Variants in FARS2 observed in about 807,000 individuals in gnomAD.
FARS2 encodes phenylalanyl-tRNA synthetase 2, mitochondrial.
In FARS2, 40 loss-of-function variants were observed where a neutral mutation model predicts 46.4. That is an observed-to-expected ratio of 0.86 (90% CI 0.67 to 1.12). FARS2 has a LOEUF of 1.12. FARS2 is among the 50% of genes most tolerant of loss of function. The pLI is 0.00. For synonymous variants in FARS2, 234 were observed against 214.9 expected (o/e 1.09, Z -0.78); for missense variants, 513 against 567.9 (o/e 0.90, Z 0.98).
chr6:5,386,278 G>A (rs543297694), intron 2 of FARS2, among the ~76,000 whole-genome samples: 256 of 152,312 alleles, frequency 1.7e-3, no homozygotes, highest in Non-Finnish European at 2.8e-3. Context: ...CGAGTCCCCG[G>A]AATGTGTAGT....
At chr6:5,757,038 A>G (rs1015847176) in intron 6 of FARS2, among the ~76,000 whole-genome samples, 3 of 152,160 alleles carry the variant, frequency 2.0e-5, no homozygotes, top group African/African-American at 7.2e-5. Flanking sequence ...GCCTCTTGAC[A>G]TTTTGCCTTT....
chr6:5,475,634 T>C (rs1238697025), intron 4 of FARS2, among the ~76,000 whole-genome samples: 1 of 152,194 alleles, frequency 6.6e-6, no homozygotes, highest in Non-Finnish European at 1.5e-5. Context: ...TTGGACATCA[T>C]AGACCCCTCT....
chr6:5,363,525 C>T (rs895928995), intron 1 of FARS2, among the ~76,000 whole-genome samples: 5 of 151,584 alleles, frequency 3.3e-5, no homozygotes, highest in Non-Finnish European at 5.9e-5. Context: ...TATGGGCATA[C>T]GATGATAAAT....
chr6:5,540,214 C>T (rs996460280), intron 4 of FARS2, among the ~76,000 whole-genome samples: 2 of 152,114 alleles, frequency 1.3e-5, no homozygotes, highest in African/African-American at 2.4e-5. Context: ...TATGATAATT[C>T]GATTTTGGAC....
intron 5 of FARS2, among the ~76,000 whole-genome samples, chr6:5,610,945 C>T (rs993251095): frequency 6.6e-6 from 1 of 152,238 alleles, no homozygotes; most frequent in African/African-American, 2.4e-5. Flanking sequence ...AGAGAAAACA[C>T]AGCTGAATGC....
intron 4 of FARS2, among the ~76,000 whole-genome samples, chr6:5,516,062 C>T (rs1475250771): frequency 2.6e-5 from 4 of 152,104 alleles, no homozygotes; most frequent in South Asian, 2.1e-4. Context: ...GCAAATGCTC[C>T]GAGTCTGCAG....
At chr6:5,678,336 A>T (rs1186593402) in intron 6 of FARS2, among the ~76,000 whole-genome samples, 7 of 152,150 alleles carry the variant, frequency 4.6e-5, no homozygotes, top group Admixed American at 6.6e-5. Flanking sequence ...GAAGGTTGCC[A>T]TCCTTTGTAG....
rs190294707 is a variant in FARS2 at position 5,311,124 on chromosome 6, G to C, written c.-22+49464G>C. 9.2e-5 allele frequency among the ~76,000 whole-genome samples: 14 copies of C among 152,324 alleles called. No homozygotes were observed. Among genetic ancestry groups the C allele is most frequent in the Non-Finnish European group, 1.5e-5 (1 of 68,024 alleles). On this transcript the variant is annotated intron_variant, in intron 1 of 6. Transcript: ENST00000274680. The surrounding 1 kb of genome is among the most constrained non-coding windows in gnomAD (Gnocchi z 4.1). ...ATGAGGCACTGGTTAAATAAATCATGGTGCATCCAGGTGATGATATGGTTT... is the reference window on the plus strand; with the variant it reads ...ATGAGGCACTGGTTAAATAAATCATCGTGCATCCAGGTGATGATATGGTTT...
At chr6:5,609,970 T>C (rs376511737) in intron 5 of FARS2, 3 of 1,271,096 alleles carry the variant, frequency 2.4e-6, no homozygotes, top group East Asian at 2.3e-5. Context: ...ATCCACCTTG[T>C]GTGGCCTTGC....
At chr6:5,321,212 A>T (rs1304832680) in intron 1 of FARS2, among the ~76,000 whole-genome samples, 1 of 152,208 alleles carries the variant, frequency 6.6e-6, no homozygotes, top group African/African-American at 2.4e-5. Flanking sequence ...GTCACTATGT[A>T]CCTTCCAGGT....
intron 5 of FARS2, among the ~76,000 whole-genome samples, chr6:5,605,001 G>T (rs942075582): frequency 6.6e-6 from 1 of 152,190 alleles, no homozygotes; most frequent in Non-Finnish European, 1.5e-5. Context: ...GGAGACCTTT[G>T]TCCTCCTCCC....
At chr6:5,467,972 CAACGTTT>C (rs1180578835) in intron 4 of FARS2, among the ~76,000 whole-genome samples, 2 of 152,188 alleles carry the variant, frequency 1.3e-5, no homozygotes, top group East Asian at 3.9e-4. Flanking sequence ...TATATTGGTG[CAACGTTT>C]ATTATTCATT....
intron 6 of FARS2, among the ~76,000 whole-genome samples, chr6:5,661,883 C>A (rs1211990022): frequency 6.6e-6 from 1 of 151,500 alleles, no homozygotes; most frequent in East Asian, 1.9e-4. Context: ...GGAGAAGGAT[C>A]CAGTAGAGTA....
intron 1 of FARS2, among the ~76,000 whole-genome samples, chr6:5,282,236 G>C (rs1211755765): frequency 6.6e-6 from 1 of 152,198 alleles, no homozygotes; most frequent in Non-Finnish European, 1.5e-5. Flanking sequence ...GAGTCTCACT[G>C]CTCAGGAGAC....
At chr6:5,464,766 G>A (rs1379947018) in intron 4 of FARS2, among the ~76,000 whole-genome samples, 1 of 152,006 alleles carries the variant, frequency 6.6e-6, no homozygotes, top group Non-Finnish European at 1.5e-5. Flanking sequence ...ACAAACCAGA[G>A]AAAAGTATCT....
rs192868681 is a variant in FARS2 at position 5,697,456 on chromosome 6, T to C, written c.1218-73835T>C. Among the ~76,000 whole-genome samples, 6 of 152,332 alleles carry C rather than the reference T, an allele frequency of 3.9e-5. No homozygotes were observed. The East Asian group carries it at 1.2e-3, about 29-fold the overall frequency. On this transcript the variant is annotated intron_variant, in intron 6 of 6. Coordinates refer to ENST00000274680, the MANE Select transcript of FARS2 (RefSeq NM_006567.5). The stretch of plus-strand genomic sequence containing the variant: ...GCATAAAACTTTGGAGATGAAAGAC[T>C]TCTAACTCCTTCATTTTACAAAGAA...
intron 4 of FARS2, among the ~76,000 whole-genome samples, chr6:5,455,942 C>T (rs1466776453): frequency 3.9e-5 from 6 of 152,154 alleles, no homozygotes; most frequent in South Asian, 4.1e-4. Context: ...CAAGGCTGGG[C>T]GCGGTAGCTT....
chr6:5,539,408 T>TATATATATATATATA (rs68137910), intron 4 of FARS2, among the ~76,000 whole-genome samples: 3 of 93,946 alleles, frequency 3.2e-5, no homozygotes, highest in South Asian at 3.2e-4. Context: ...ATGTATATAT[T>TATATATATATATATA]TTTTTAGTAG....
intron 5 of FARS2, among the ~76,000 whole-genome samples, chr6:5,574,317 G>T (rs1359149473): frequency 6.6e-6 from 1 of 152,014 alleles, no homozygotes; most frequent in Non-Finnish European, 1.5e-5. Context: ...GTAGAGATGG[G>T]GTTTCACCGT....
Sources: allele counts gnomAD v4.1 joint callset (sites outside exome capture counted in the v4.1 genomes callset), GRCh38; gene constraint gnomAD v4.1.1; non-coding constraint Gnocchi (gnomAD v3.1); transcripts MANE v1.5; gene names NCBI Gene and HGNC (gene_info 2026-07-23, HGNC 2026-07-21).